Variants in TLN2 observed in about 807,000 individuals in gnomAD.
TLN2 encodes the protein talin 2, also known as talin-2.
A neutral mutation model predicts 294.7 loss-of-function variants in TLN2; 118 were observed. That is an observed-to-expected ratio of 0.40 (90% CI 0.34 to 0.47). TLN2 has a LOEUF of 0.47. Ranked by LOEUF, TLN2 falls within the 20% of genes least tolerant of loss-of-function variation. The pLI, the probability that TLN2 is intolerant of heterozygous loss-of-function variation, is 0.84. For missense variants in TLN2, 3,083 were observed against 3,282.2 expected (o/e 0.94, Z 1.48); for synonymous variants, 1,431 against 1,304.5 (o/e 1.10, Z -2.09).
intron 2 of TLN2, among the ~76,000 whole-genome samples, chr15:62,612,068 T>G (rs2140826153): frequency 1.3e-5 from 2 of 152,002 alleles, no homozygotes; most frequent in Middle Eastern, 3.4e-3. Context: ...TCCTACTTCT[T>G]GCTTGTATCT....
At position 62,738,309 on chromosome 15, in the gene TLN2, C is replaced by T; in HGVS notation, c.3663C>T (p.Ser1221=). 1 of 1,614,046 alleles carries T rather than the reference C, an allele frequency of 6.2e-7. No individual in the cohort carries two copies. Among genetic ancestry groups the T allele is most frequent in the Non-Finnish European group, 8.5e-7 (1 of 1,179,962 alleles). ...TGGCCTTGAAGAGCATCGGGGAGTC[C>T]AGCAAGAAGCTGCTTGTGGATTCGG... is the stretch of plus-strand genomic sequence containing the variant. The part of the protein sequence containing the change: ...VDVALKSIGE[S]SKKLLVDSLP... The change falls in exon 30 of 59, where the codon TCC becomes TCT. Residue 1221 remains serine (S), a synonymous_variant. Coordinates refer to ENST00000636159, the MANE Select transcript of TLN2 (RefSeq NM_015059.3).
intron 51 of TLN2, among the ~76,000 whole-genome samples, chr15:62,809,150 A>C (rs1448731335): frequency 6.6e-6 from 1 of 152,226 alleles, no homozygotes; most frequent in Non-Finnish European, 1.5e-5. Flanking sequence ...AGGATGTCCC[A>C]TACTTGCTAA....
chr15:62,792,460 C>T (rs559031558), intron 45 of TLN2, among the ~76,000 whole-genome samples, 181 bp from the exon 46 acceptor site: 23 of 152,314 alleles, frequency 1.5e-4, no homozygotes, highest in Admixed American at 4.6e-4. Context: ...ATTTTACAGT[C>T]TCTCAAAAGG....
intron 1 of TLN2, among the ~76,000 whole-genome samples, chr15:62,395,644 CTG>C: frequency 6.6e-6 from 1 of 152,164 alleles, no homozygotes; most frequent in Non-Finnish European, 1.5e-5. Context: ...GTAAGGGTGT[CTG>C]TTGTAGGATT....
intron 1 of TLN2, among the ~76,000 whole-genome samples, chr15:62,459,191 AG>A (rs1361964603): frequency 2.6e-5 from 4 of 151,868 alleles, no homozygotes; most frequent in East Asian, 3.9e-4. Context: ...TAGTAGAGAC[AG>A]GGTTTCACCA....
intron 1 of TLN2, among the ~76,000 whole-genome samples, chr15:62,394,269 A>T (rs916664637): frequency 3.9e-5 from 6 of 152,144 alleles, no homozygotes; most frequent in Non-Finnish European, 7.3e-5. Flanking sequence ...AGTTTCTACA[A>T]CTTGTGATCT....
chr15:62,774,953 CTT>C (rs36003657), intron 42 of TLN2, among the ~76,000 whole-genome samples: 1,849 of 101,272 alleles, frequency 0.018, 15 homozygotes, highest in African/African-American at 0.057. Flanking sequence ...GAATTGCTGG[CTT>C]TTTTTTTTTT....
chr15:62,435,614 T>C (rs1595797455), intron 1 of TLN2, among the ~76,000 whole-genome samples: 2 of 152,360 alleles, frequency 1.3e-5, no homozygotes, highest in South Asian at 2.1e-4. Context: ...CGATCTTGGC[T>C]CACTGCAACT....
chr15:62,542,055 A>G (rs149261458), intron 1 of TLN2, among the ~76,000 whole-genome samples: 1 of 152,094 alleles, frequency 6.6e-6, no homozygotes, highest in African/African-American at 2.4e-5. Flanking sequence ...GCCAGACATT[A>G]TGCTGGGCCC....
Position 62,739,371 on chromosome 15 carries a change from C to G in TLN2, c.3711C>G (p.Phe1237Leu). The change falls in exon 31 of 59, where the codon TTC (phenylalanine) becomes TTG (leucine). Residue 1237 changes from phenylalanine to leucine, a missense_variant. Physicochemically the swap from Phe to Leu is conservative, Grantham distance 22 (BLOSUM62 0). Coordinates refer to ENST00000636159, the MANE Select transcript of TLN2 (RefSeq NM_015059.3). ...VDSLPPSTKPFQEAQSELNQA... is the reference protein window; with the variant it reads ...VDSLPPSTKPLQEAQSELNQA... ...AGCTACCTCCAAGCACGAAGCCTTT[C>G]CAGGAAGCCCAGAGTGAACTGAACC... The G allele has an allele frequency of 6.2e-7, 1 of 1,613,774 alleles. No homozygotes were observed. The highest frequency in any genetic ancestry group is 8.5e-7 in the Non-Finnish European group (1 of 1,179,826).
chr15:62,783,715 T>TTC (rs111830367), intron 44 of TLN2, 56 bp from the exon 45 acceptor site: 2 of 1,392,392 alleles, frequency 1.4e-6, no homozygotes, highest in African/African-American at 5.1e-5. Context: ...TCTCATGCGT[T>TTC]TCTCTCTGTG....
chr15:62,842,176 T>C lies in TLN2; in HGVS notation c.*1566T>C, dbSNP rs561362040. 14 of 147,092 alleles carry C rather than the reference T, an allele frequency of 9.5e-5. No homozygotes were observed. The South Asian group carries it at 2.9e-3, about 31-fold the overall frequency. The allele number at this position is 147,092 out of a possible 1,614,324, so 9.1% of individuals were successfully genotyped here. A position where few individuals can be genotyped will look rare whatever the true frequency, so the allele number is the denominator to read the frequency against. ...TCTGACAGCTTCCCATATTTATAAG[T>C]TACTTATAAGTGCTGCACGTATTAG... On this transcript the variant is annotated 3_prime_UTR_variant, in exon 59 of 59. Transcript: ENST00000636159.
intron 1 of TLN2, among the ~76,000 whole-genome samples, chr15:62,461,766 A>G (rs572889315): frequency 1.3e-5 from 2 of 152,338 alleles, no homozygotes; most frequent in East Asian, 3.9e-4. Flanking sequence ...CGCCTACTCC[A>G]TGCGAGGGGA....
rs370224281 is a variant in TLN2, at chr15:62,794,235, A to G, written c.5883+1448A>G. On this transcript the variant is annotated intron_variant, in intron 46 of 58. Coordinates refer to ENST00000636159, the MANE Select transcript of TLN2 (RefSeq NM_015059.3). ...CTGATTTAGGACACCTGGAGGGACC[A>G]CCAAAGGAGAGGAGGTGGCTCGTTC... 7.2e-5 allele frequency among the ~76,000 whole-genome samples: 11 copies of G among 152,248 alleles called. No individual in the cohort carries two copies. In the East Asian group the frequency reaches 1.2e-3, roughly 16 times the overall value.
At chr15:62,459,726 A>G (rs113897592) in intron 1 of TLN2, among the ~76,000 whole-genome samples, 9,286 of 152,104 alleles carry the variant, frequency 0.061, 460 homozygotes, top group Middle Eastern at 0.13. Context: ...GGCAGGCTTT[A>G]GTTGTTTTTC....
Position 62,690,875 on chromosome 15 carries a change from G to T in TLN2, c.1114-1965G>T, listed in dbSNP as rs1486331173. Reference sequence around the variant, plus strand: ...AAAAAAATACGAAAACCAGTCAGGCGTGGCGGTGCGCGCCTGCAATCGCAG... The same window carrying T: ...AAAAAAATACGAAAACCAGTCAGGCTTGGCGGTGCGCGCCTGCAATCGCAG... On this transcript the variant is annotated intron_variant, in intron 12 of 58. Coordinates refer to ENST00000636159, the MANE Select transcript of TLN2 (RefSeq NM_015059.3). Among the ~76,000 whole-genome samples, 5 of 151,554 alleles carry T rather than the reference G, an allele frequency of 3.3e-5. No homozygotes were observed. In the South Asian group the frequency reaches 1.1e-3, roughly 32 times the overall value.
intron 54 of TLN2, chr15:62,827,626 T>G (rs1469284896): frequency 6.6e-6 from 1 of 152,236 alleles, no homozygotes; most frequent in African/African-American, 2.4e-5. Flanking sequence ...ACCTGACGCT[T>G]ACTGATTTGT....
At position 62,662,826 on chromosome 15, in the gene TLN2, T is replaced by TTTG. The variant is rs745930564; in HGVS notation, c.788+4930_788+4931insGTT. The stretch of plus-strand genomic sequence containing the variant: ...TGTATTTTAGGGATTGAGAGAGTTT[T>TTTG]TTTTTTTTTTTTTTGGAGACAGAGT... On this transcript the variant is annotated intron_variant, in intron 9 of 58. Transcript: ENST00000636159. Among the ~76,000 whole-genome samples the TTTG allele has an allele frequency of 4.4e-3, 626 of 143,142 alleles. 4 individuals carry two copies. The highest frequency in any genetic ancestry group is 7.5e-3 in the Admixed American group (108 of 14,356). The allele number at this position is 143,142 out of a possible 152,430, so 93.9% of individuals were successfully genotyped here.
chr15:62,574,106 T>A (rs1413367627), intron 1 of TLN2, among the ~76,000 whole-genome samples: 1 of 152,054 alleles, frequency 6.6e-6, no homozygotes, highest in Non-Finnish European at 1.5e-5. Context: ...AACTCTCAAC[T>A]CCTCGGTATT....
Sources: gnomAD v4.1 joint callset for allele counts (sites outside exome capture counted in the v4.1 genomes callset) on GRCh38, gnomAD v4.1.1 for gene constraint, MANE v1.5 for transcripts, NCBI Gene and HGNC (gene_info 2026-07-23, HGNC 2026-07-21) for gene names.